The following ZNF366 variants were observed in gnomAD, a reference collection of about 807,000 sequenced individuals.
ZNF366 encodes dendritic cell-specific transcript protein.
In ZNF366, 20 loss-of-function variants were observed where a neutral mutation model predicts 47.2. The observed-to-expected ratio is 0.42, with a 90% confidence interval of 0.30 to 0.62. ZNF366 has a LOEUF of 0.62. Among genes scored for constraint, ZNF366 ranks in the 20% least tolerant of loss-of-function variants. The probability of loss-of-function intolerance (pLI) is 0.16; values close to 1 mark genes in which losing one functional copy is unlikely to be tolerated. For missense variants in ZNF366, 987 were observed against 976.3 expected (o/e 1.01, Z -0.15); for synonymous variants, 421 against 395.1 (o/e 1.07, Z -0.78).
intron 1 of ZNF366, among the ~76,000 whole-genome samples, chr5:72,500,404 C>G (rs976709740): frequency 1.3e-4 from 20 of 152,118 alleles, no homozygotes; most frequent in African/African-American, 4.8e-4. Context: ...GCCTTGGTCC[C>G]CTCTTCAGCT....
rs551959939 is a variant in ZNF366 at position 72,489,479 on chromosome 5, T to C, written c.-15+17772A>G. The stretch of plus-strand genomic sequence containing the variant: ...CCATCCTGACTAATATATTTCTTCA[T>C]GGAGCTGGAGGAAGATTAAATAATG... On this transcript the variant is annotated intron_variant, in intron 1 of 4. Transcript: ENST00000318442. Among the ~76,000 whole-genome samples, 11 of 152,312 alleles carry C rather than the reference T, an allele frequency of 7.2e-5. No individual in the cohort carries two copies. In the East Asian group the frequency reaches 1.7e-3, roughly 24 times the overall value.
chr5:72,461,079 G>A lies in ZNF366; in HGVS notation c.418C>T (p.Arg140Cys), dbSNP rs150204419. The part of the protein sequence containing the change: ...DLCNVGFQFY[R>C]SLEHFGGKPV... ...TTGCCCCCAAAGTGTTCCAGGCTGC[G>A]GTAGAATTGGAAGCCCACGTTGCAC... Residue 140 changes from arginine (R) to cysteine (C), a missense_variant, in exon 2 of 5, where the codon CGC (arginine) becomes TGC (cysteine). This residue lies in a region of ZNF366 where 591 missense variants were observed against 560.9 expected (regional missense o/e 1.05). Coordinates refer to ENST00000318442, the MANE Select transcript of ZNF366 (RefSeq NM_152625.3). 60 of 1,614,152 alleles carry A rather than the reference G, an allele frequency of 3.7e-5. No individual in the cohort carries two copies. The highest frequency in any genetic ancestry group is 1.6e-4 in the Middle Eastern group (1 of 6,062).
chr5:72,480,878 T>A (rs1743777364), intron 1 of ZNF366, among the ~76,000 whole-genome samples: 1 of 152,196 alleles, frequency 6.6e-6, no homozygotes, highest in Admixed American at 6.5e-5. Flanking sequence ...AAATTCCACG[T>A]GAGTGAAGAC....
In ZNF366 at chr5:72,456,557, C is replaced by T. The variant is rs750513755; in HGVS notation, c.1371G>A (p.Glu457=). 6.2e-7 allele frequency: 1 copy of T among 1,612,324 alleles called. No homozygotes were observed. Among genetic ancestry groups the T allele is most frequent in the Admixed American group, 1.7e-5 (1 of 60,004 alleles). ...KEHKCGICGR[E]FTLLANMKRH... ...GCTTCATGTTGGCCAGCAGGGTGAA[C>T]TCCCGCCCACAAATCCCACACTTAT... Residue 457 remains glutamate (E), a synonymous_variant, in exon 3 of 5, where the codon GAG becomes GAA. Transcript: ENST00000318442.
intron 1 of ZNF366, among the ~76,000 whole-genome samples, chr5:72,485,977 C>T (rs1171936687): frequency 6.6e-6 from 1 of 152,196 alleles, no homozygotes; most frequent in African/African-American, 2.4e-5. Flanking sequence ...TTACACAATA[C>T]TGTGTCTGAA....
intron 1 of ZNF366, among the ~76,000 whole-genome samples, chr5:72,474,081 AAC>A (rs1743622801): frequency 6.6e-6 from 1 of 152,364 alleles, no homozygotes; most frequent in South Asian, 2.1e-4. Flanking sequence ...TGCAGCAGCA[AAC>A]ATTATCATTA....
At chr5:72,485,845 T>C (rs1221270488) in intron 1 of ZNF366, among the ~76,000 whole-genome samples, 1 of 152,118 alleles carries the variant, frequency 6.6e-6, no homozygotes, top group Non-Finnish European at 1.5e-5. Flanking sequence ...CTCTCCAGCC[T>C]CTGGTTGTTC....
intron 1 of ZNF366, among the ~76,000 whole-genome samples, chr5:72,496,047 A>C (rs1037940891): frequency 6.6e-6 from 1 of 152,016 alleles, no homozygotes; most frequent in Non-Finnish European, 1.5e-5. Flanking sequence ...TTACTTAACT[A>C]TACAGGTTGG....
intron 1 of ZNF366, among the ~76,000 whole-genome samples, chr5:72,483,220 C>T (rs1297316800): frequency 2.0e-5 from 3 of 152,120 alleles, no homozygotes; most frequent in Non-Finnish European, 4.4e-5. Context: ...ACCATTCAGC[C>T]CCTCACAATG....
intron 4 of ZNF366, among the ~76,000 whole-genome samples, chr5:72,445,448 T>C (rs2112313867): frequency 6.6e-6 from 1 of 152,314 alleles, no homozygotes; most frequent in East Asian, 1.9e-4. Flanking sequence ...TGTCTGTATC[T>C]TTAATCCTGT....
At chr5:72,464,223 T>A (rs1682730331) in intron 1 of ZNF366, among the ~76,000 whole-genome samples, 2 of 152,246 alleles carry the variant, frequency 1.3e-5, no homozygotes, top group Admixed American at 1.3e-4. Context: ...TATTTTATTA[T>A]TAAGAAGTTA....
rs182557239 is a variant in ZNF366, at chr5:72,448,987, A to G, written c.1525-1570T>C. Reference sequence around the variant, plus strand: ...ATTTGGCCTACAGGGTGGGGTTCCAAGCTCAGCATCCAGACAGAGCACCTG... The same window carrying G: ...ATTTGGCCTACAGGGTGGGGTTCCAGGCTCAGCATCCAGACAGAGCACCTG... On this transcript the variant is annotated intron_variant, in intron 3 of 4. Transcript: ENST00000318442. Among the ~76,000 whole-genome samples, 362 of 152,268 alleles carry G rather than the reference A, an allele frequency of 2.4e-3. 2 individuals are homozygous for G. The highest frequency in any genetic ancestry group is 8.3e-3 in the African/African-American group (343 of 41,552).
rs746758419 is a variant in ZNF366 at position 72,443,909 on chromosome 5, G to A, written c.2082C>T (p.Ala694=). The change falls in exon 5 of 5, where the codon GCC becomes GCT. Residue 694 remains alanine (A), a synonymous_variant. Coordinates refer to ENST00000318442, the MANE Select transcript of ZNF366 (RefSeq NM_152625.3). ...TGAGACTGAGACACTCATCTCTGCC[G>A]GCACAGTCTCTCTCCTGGCCGCCCT... The part of the protein sequence containing the change: ...GAEGGQERDC[A]GRDECLSLRA... 30 of 1,614,138 alleles carry A rather than the reference G, an allele frequency of 1.9e-5. No homozygotes were observed. Among genetic ancestry groups the A allele is most frequent in the South Asian group, 3.3e-5 (3 of 91,090 alleles).
At position 72,449,035 on chromosome 5, in the gene ZNF366, G is replaced by A. The variant is rs73763718; in HGVS notation, c.1525-1618C>T. 9.8e-3 allele frequency among the ~76,000 whole-genome samples: 1,486 copies of A among 152,238 alleles called. 17 individuals carry two copies. The highest frequency in any genetic ancestry group is 0.034 in the African/African-American group (1,405 of 41,536). On this transcript the variant is annotated intron_variant, in intron 3 of 4. Coordinates refer to ENST00000318442, the MANE Select transcript of ZNF366 (RefSeq NM_152625.3). ...CTGCACACCACATTCATTTGAAAAT[G>A]GTGACCTAAGAGGGGAAAAGGATGA... is the stretch of plus-strand genomic sequence containing the variant.
chr5:72,498,922 A>G (rs1314319232), intron 1 of ZNF366, among the ~76,000 whole-genome samples: 2 of 152,204 alleles, frequency 1.3e-5, no homozygotes, highest in African/African-American at 4.8e-5. Context: ...TCACCATTAA[A>G]TGTCCTTCCC....
Position 72,460,998 on chromosome 5 carries a change from T to C in ZNF366, c.499A>G (p.Thr167Ala). The C allele has an allele frequency of 6.2e-7, 1 of 1,613,256 alleles. No individual in the cohort carries two copies. The highest frequency in any genetic ancestry group is 8.5e-7 in the Non-Finnish European group (1 of 1,179,820). Residue 167 changes from threonine (T) to alanine (A), a missense_variant, in exon 2 of 5, where the codon ACT becomes GCT. Thr to Ala is a moderately conservative substitution (Grantham distance 58). Coordinates refer to ENST00000318442, the MANE Select transcript of ZNF366 (RefSeq NM_152625.3). ...PSAVWPQPTP[T>A]PFLPTPYPYY... ...GGGTAGGGCGTGGGCAGGAATGGAG[T>C]GGGCGTTGGCTGGGGCCACACGGCG...
At chr5:72,452,410 C>T (rs1156524079) in intron 3 of ZNF366, among the ~76,000 whole-genome samples, 8 of 152,330 alleles carry the variant, frequency 5.3e-5, no homozygotes, top group South Asian at 2.1e-4. Flanking sequence ...GCAGTTCATA[C>T]GGCTATATCC....
chr5:72,445,452 A>G (rs902778646), intron 4 of ZNF366, among the ~76,000 whole-genome samples: 3 of 152,188 alleles, frequency 2.0e-5, no homozygotes, highest in African/African-American at 7.2e-5. Context: ...TGTATCTTTA[A>G]TCCTGTCAGG....
chr5:72,454,800 A>T (rs1276198540), intron 3 of ZNF366, among the ~76,000 whole-genome samples: 2 of 152,178 alleles, frequency 1.3e-5, no homozygotes, highest in Non-Finnish European at 2.9e-5. Context: ...GTGAAATGTG[A>T]AGTGCTCTGG....
Sources: gnomAD v4.1 joint callset for allele counts (sites outside exome capture counted in the v4.1 genomes callset) on GRCh38, gnomAD v4.1.1 for gene constraint, gnomAD v4.1.1 regional missense constraint, MANE v1.5 for transcripts, NCBI Gene and HGNC (gene_info 2026-07-23, HGNC 2026-07-21) for gene names.